CDYL: variants seen among roughly 807,000 people sequenced by gnomAD.
CDYL encodes chromodomain Y-like protein.
A neutral mutation model predicts 47.3 loss-of-function variants in CDYL; 8 were observed. The observed-to-expected ratio is 0.17, with a 90% confidence interval of 0.10 to 0.31. CDYL has a LOEUF of 0.31. CDYL is among the 10% of genes least tolerant of loss of function. The pLI is 1.00. For missense variants in CDYL, 471 were observed against 701.4 expected, an observed-to-expected ratio of 0.67 and a Z score of 3.71; for synonymous variants, 266 against 265.0, an observed-to-expected ratio of 1.00 and a Z score of -0.04.
At chr6:4,865,008 T>A (rs548303847) in intron 1 of CDYL, among the ~76,000 whole-genome samples, 4 of 152,206 alleles carry the variant, frequency 2.6e-5, no homozygotes, top group Non-Finnish European at 5.9e-5. Flanking sequence ...GCTCTCTTAT[T>A]CTTTGATTCT....
chr6:4,892,147 C>T lies in CDYL; in HGVS notation c.459C>T (p.Thr153=), dbSNP rs734783. 0.01 allele frequency: 16,180 copies of T among 1,614,154 alleles called. 953 individuals are homozygous for T. The African/African-American group carries it at 0.16, about 16-fold the overall frequency. ...CTAAAAGCCCCGTTAAGAGCAGGACCGCAGTGGACGGCTTTCAGAGCGAGA... is the reference window on the plus strand; with the variant it reads ...CTAAAAGCCCCGTTAAGAGCAGGACTGCAGTGGACGGCTTTCAGAGCGAGA... ...LVPKSPVKSR[T]AVDGFQSESP... is the part of the protein sequence containing the mutation. The change falls in exon 2 of 7, where the codon ACC becomes ACT. Residue 153 remains threonine (T), a synonymous_variant. Transcript: ENST00000397588.
upstream of CDYL, chr6:4,775,123 A>T (rs1758402411): frequency 6.6e-6 from 1 of 152,662 alleles, no homozygotes; most frequent in African/African-American, 2.4e-5. The surrounding 1 kb of genome is among the most constrained non-coding windows in gnomAD (Gnocchi z 7.0). Context: ...TAGGTTAGGA[A>T]CTGGAGCGAG....
chr6:4,759,877 CTCAAAAAAAAAAAAAAAAAAA>C, intron 3 of CDYL, among the ~76,000 whole-genome samples: 1 of 5,760 alleles, frequency 1.7e-4, no homozygotes, highest in African/African-American at 3.5e-4. Context: ...GAAACTCCAT[CTCAAAAAAAAAAAAAAAAAAA>C]AAAAAAAAAA....
rs770683067 is a variant in CDYL at position 4,955,525 on chromosome 6, AACT to A, written c.*1471_*1473del. 2.0e-5 allele frequency: 3 copies of A among 152,652 alleles called. No homozygotes were observed. Among genetic ancestry groups the A allele is most frequent in the Non-Finnish European group, 2.9e-5 (2 of 68,050 alleles). The allele number at this position is 152,652 out of a possible 1,614,324, so 9.5% of individuals were successfully genotyped here. On this transcript the variant is annotated 3_prime_UTR_variant, in exon 7 of 7. Transcript: ENST00000397588. ...TCAGCTGTGAAAACTGGTTAAATAAAACTAATATTTCTTAACACATTTGAAATG... is the reference window on the plus strand; with the variant it reads ...TCAGCTGTGAAAACTGGTTAAATAAAAATATTTCTTAACACATTTGAAATG...
chr6:4,814,125 TA>T (rs1414522694), intron 1 of CDYL, among the ~76,000 whole-genome samples: 1 of 152,194 alleles, frequency 6.6e-6, no homozygotes, highest in Non-Finnish European at 1.5e-5. Flanking sequence ...TGCATCTGGA[TA>T]GGTAGCATTC....
At chr6:4,854,968 G>A (rs558438744) in intron 1 of CDYL, among the ~76,000 whole-genome samples, 73 of 152,150 alleles carry the variant, frequency 4.8e-4, no homozygotes, top group Non-Finnish European at 9.6e-4. Context: ...AACCCGATCC[G>A]GTTATAATTA....
At chr6:4,858,582 A>G (rs965086194) in intron 1 of CDYL, among the ~76,000 whole-genome samples, 2 of 152,340 alleles carry the variant, frequency 1.3e-5, no homozygotes, top group Admixed American at 6.5e-5. Flanking sequence ...TGTCTGGGCA[A>G]TCCCTCTTGG....
At chr6:4,890,853 T>A (rs1762022570) in intron 1 of CDYL, among the ~76,000 whole-genome samples, 1 of 152,282 alleles carries the variant, frequency 6.6e-6, no homozygotes, top group Non-Finnish European at 1.5e-5. Context: ...CTGATGCTTT[T>A]ATAGTAACTG....
chr6:4,766,165 T>C (rs756059434), intron 3 of CDYL, among the ~76,000 whole-genome samples: 2 of 152,176 alleles, frequency 1.3e-5, no homozygotes, highest in East Asian at 1.9e-4. Flanking sequence ...AATGGACAAA[T>C]TGACACAGAA....
intron 1 of CDYL, among the ~76,000 whole-genome samples, chr6:4,874,347 G>A (rs1581227974): frequency 6.6e-6 from 1 of 152,076 alleles, no homozygotes; most frequent in Non-Finnish European, 1.5e-5. Flanking sequence ...ACATGTGCAC[G>A]TTATTCAGTG....
chr6:4,912,745 C>T (rs1397549920), intron 2 of CDYL, among the ~76,000 whole-genome samples: 1 of 152,170 alleles, frequency 6.6e-6, no homozygotes, highest in Non-Finnish European at 1.5e-5. Context: ...CTGGTGAGGA[C>T]TCTGCTGAGT....
chr6:4,952,394 C>T lies in CDYL; in HGVS notation c.1461C>T (p.Ala487=), dbSNP rs979895683. 8 of 1,613,736 alleles carry T rather than the reference C, an allele frequency of 5.0e-6. No homozygotes were observed. The highest frequency in any genetic ancestry group is 5.9e-6 in the Non-Finnish European group (7 of 1,179,850). ...TGATGGTTCGCATTAAGGAGCTTGC[C>T]TCGTGCAATCCAGTTGTATGTCTAA... is the stretch of plus-strand genomic sequence containing the variant. The part of the protein sequence containing the change: ...QEVMVRIKEL[A]SCNPVVLEES... Residue 487 remains alanine, a synonymous_variant, in exon 6 of 7, where the codon GCC becomes GCT. Transcript: ENST00000397588.
chr6:4,882,673 G>C (rs1311947614), intron 1 of CDYL, among the ~76,000 whole-genome samples: 4 of 152,214 alleles, frequency 2.6e-5, no homozygotes, highest in African/African-American at 4.8e-5. Flanking sequence ...GCCAACCTCA[G>C]ATGCACTGGT....
chr6:4,832,182 T>G (rs1760166089), intron 1 of CDYL, among the ~76,000 whole-genome samples: 1 of 152,234 alleles, frequency 6.6e-6, no homozygotes, highest in African/African-American at 2.4e-5. Flanking sequence ...TTCCAGTTTT[T>G]GTCCATTCAG....
intron 2 of CDYL, among the ~76,000 whole-genome samples, chr6:4,720,146 A>G (rs1364802615): frequency 2.0e-5 from 3 of 152,240 alleles, no homozygotes; most frequent in African/African-American, 7.2e-5. Flanking sequence ...ATCTTATTTC[A>G]TGTCCTCACA....
At chr6:4,906,991 C>T (rs1384553668) in intron 2 of CDYL, among the ~76,000 whole-genome samples, 2 of 152,168 alleles carry the variant, frequency 1.3e-5, no homozygotes, top group African/African-American at 4.8e-5. Flanking sequence ...CCAGTTTTCA[C>T]AAGGGGTTTT....
chr6:4,832,741 C>A (rs1392828708), intron 1 of CDYL, among the ~76,000 whole-genome samples: 2 of 146,086 alleles, frequency 1.4e-5, no homozygotes, highest in Non-Finnish European at 3.0e-5. Context: ...TTGATTATTG[C>A]CACAATTTCA....
intron 1 of CDYL, among the ~76,000 whole-genome samples, chr6:4,887,778 A>G (rs970529861): frequency 2.6e-5 from 4 of 151,966 alleles, no homozygotes; most frequent in Non-Finnish European, 5.9e-5. Flanking sequence ...TCTTAGGGGG[A>G]AGCTTTTAGT....
intron 1 of CDYL, among the ~76,000 whole-genome samples, chr6:4,810,655 A>G (rs1759501617): frequency 6.6e-6 from 1 of 152,218 alleles, no homozygotes; most frequent in African/African-American, 2.4e-5. Flanking sequence ...TAGAAATAAC[A>G]TAAATGTATG....
Sources: gnomAD v4.1 joint callset for allele counts (sites outside exome capture counted in the v4.1 genomes callset) on GRCh38, gnomAD v4.1.1 for gene constraint, Gnocchi (gnomAD v3.1) non-coding constraint, MANE v1.5 for transcripts, NCBI Gene and HGNC (gene_info 2026-07-23, HGNC 2026-07-21) for gene names.